SHISA9: variants seen among roughly 807,000 people sequenced by gnomAD.
The protein encoded by SHISA9 is protein shisa-9.
Under a neutral mutation model 38.0 loss-of-function variants are expected in SHISA9, and 13 were observed. The observed-to-expected ratio is 0.34, with a 90% CI of 0.22 to 0.54. The LOEUF is 0.54. SHISA9 is among the 20% of genes least tolerant of loss of function. The probability of loss-of-function intolerance (pLI) is 0.91; values close to 1 mark genes in which losing one functional copy is unlikely to be tolerated. For missense variants in SHISA9, 538 were observed against 575.8 expected (o/e 0.93, Z 0.67); for synonymous variants, 275 against 242.0 (o/e 1.14, Z -1.27).
chr16:13,029,828 A>G (rs573823613), intron 2 of SHISA9, among the ~76,000 whole-genome samples: 2 of 152,332 alleles, frequency 1.3e-5, no homozygotes, highest in African/African-American at 4.8e-5. Flanking sequence ...CACTTTTGTG[A>G]TTTATGACAA....
At chr16:13,561,307 C>T in the SHISA9 span, among the ~76,000 whole-genome samples, 1 of 152,160 alleles carries the variant, frequency 6.6e-6, no homozygotes, top group Non-Finnish European at 1.5e-5. Flanking sequence ...GTGGTCTCCT[C>T]CCGACAAGGC....
At chr16:13,086,718 T>G (rs574731237) in intron 2 of SHISA9, among the ~76,000 whole-genome samples, 49 of 152,328 alleles carry the variant, frequency 3.2e-4, no homozygotes, top group Non-Finnish European at 6.2e-4. Flanking sequence ...TATGCTTGCC[T>G]TCTGAGGAAA....
At chr16:13,117,801 T>C (rs539547228) in intron 2 of SHISA9, among the ~76,000 whole-genome samples, 6 of 152,286 alleles carry the variant, frequency 3.9e-5, no homozygotes, top group African/African-American at 1.4e-4. Flanking sequence ...TGTTACAGCA[T>C]CATCAGGAAA....
intron 2 of SHISA9, among the ~76,000 whole-genome samples, chr16:13,139,567 A>G (rs2050381701): frequency 6.6e-6 from 1 of 151,502 alleles, no homozygotes; most frequent in South Asian, 2.1e-4. Context: ...TGGAGTGCCA[A>G]TATGGAAGCC....
the SHISA9 span, among the ~76,000 whole-genome samples, chr16:13,412,793 G>C: frequency 6.6e-6 from 1 of 152,062 alleles, no homozygotes; most frequent in East Asian, 1.9e-4. Flanking sequence ...GGAGGCAGAG[G>C]TTGCAGTGAG....
chr16:13,355,055 C>G, the SHISA9 span, among the ~76,000 whole-genome samples: 166 of 149,364 alleles, frequency 1.1e-3, no homozygotes, highest in African/African-American at 3.8e-3. Flanking sequence ...TGTTTGAGAT[C>G]TAGAACAGAA....
At chr16:13,275,237 C>T in the SHISA9 span, among the ~76,000 whole-genome samples, 1 of 151,976 alleles carries the variant, frequency 6.6e-6, no homozygotes, top group East Asian at 1.9e-4. Flanking sequence ...CTTTTTAGAT[C>T]TTTTCTATGC....
the SHISA9 span, among the ~76,000 whole-genome samples, chr16:13,316,674 T>C: frequency 6.6e-6 from 1 of 152,180 alleles, no homozygotes; most frequent in East Asian, 1.9e-4. Flanking sequence ...ATACCCTCAA[T>C]TGTAAGTCAC....
chr16:13,550,931 G>A, the SHISA9 span, among the ~76,000 whole-genome samples: 29 of 152,084 alleles, frequency 1.9e-4, no homozygotes, highest in Admixed American at 1.5e-3. Flanking sequence ...AGACCAGCCT[G>A]GCCAACACAG....
At chr16:13,382,194 G>C in the SHISA9 span, among the ~76,000 whole-genome samples, 1 of 152,166 alleles carries the variant, frequency 6.6e-6, no homozygotes, top group Admixed American at 6.5e-5. Flanking sequence ...TTATCCTACA[G>C]ATATTTTCTC....
chr16:13,094,868 G>C (rs1023299968), intron 2 of SHISA9, among the ~76,000 whole-genome samples: 2 of 152,154 alleles, frequency 1.3e-5, no homozygotes, highest in African/African-American at 2.4e-5. Flanking sequence ...CTGGTTTACT[G>C]TTTTCAAATA....
intron 2 of SHISA9, among the ~76,000 whole-genome samples, chr16:13,044,251 C>G (rs4780497): frequency 0.62 from 94,449 of 152,000 alleles, 30,035 homozygotes; most frequent in Middle Eastern, 0.74. Flanking sequence ...AAATAATTTT[C>G]CCAATACATG....
chr16:13,080,922 G>A (rs1486947730), intron 2 of SHISA9, among the ~76,000 whole-genome samples: 1 of 152,146 alleles, frequency 6.6e-6, no homozygotes, highest in Non-Finnish European at 1.5e-5. Flanking sequence ...GCAGATGGTG[G>A]CTTTGTCACT....
the SHISA9 span, among the ~76,000 whole-genome samples, chr16:13,329,969 A>G: frequency 2.0e-5 from 3 of 152,200 alleles, no homozygotes; most frequent in Admixed American, 2.0e-4. Flanking sequence ...ATTATATTGT[A>G]TTGTAGGAAA....
chr16:13,336,308 G>A, the SHISA9 span, among the ~76,000 whole-genome samples: 8 of 152,166 alleles, frequency 5.3e-5, no homozygotes, highest in African/African-American at 1.7e-4. Flanking sequence ...ATCTTGGATC[G>A]TAGAGGAATC....
At chr16:13,147,653 G>A (rs367956803) in intron 2 of SHISA9, among the ~76,000 whole-genome samples, 13 of 152,016 alleles carry the variant, frequency 8.6e-5, no homozygotes, top group African/African-American at 2.9e-4. Context: ...AGTAGAGACA[G>A]GGTTTCACCA....
the SHISA9 span, among the ~76,000 whole-genome samples, chr16:13,525,274 G>A: frequency 2.0e-5 from 3 of 152,160 alleles, no homozygotes; most frequent in Non-Finnish European, 4.4e-5. Flanking sequence ...CCTGGAAAGG[G>A]ACAGTAGAGA....
At chr16:13,035,535 GCT>G (rs561397862) in intron 2 of SHISA9, among the ~76,000 whole-genome samples, 2,225 of 62,062 alleles carry the variant, frequency 0.036, 25 homozygotes, top group Non-Finnish European at 0.052. Flanking sequence ...GTAATTTTCA[GCT>G]TTTTTTTTTT....
chr16:12,976,521 C>A (rs183796904), intron 2 of SHISA9, among the ~76,000 whole-genome samples: 3 of 152,098 alleles, frequency 2.0e-5, no homozygotes, highest in Non-Finnish European at 4.4e-5. Context: ...ATTCCTATTC[C>A]GCTCCTGTGT....
Sources: allele counts gnomAD v4.1 joint callset (sites outside exome capture counted in the v4.1 genomes callset), GRCh38; gene constraint gnomAD v4.1.1; transcripts MANE v1.5; gene names NCBI Gene and HGNC (gene_info 2026-07-23, HGNC 2026-07-21).